The following SGCZ variants were observed in gnomAD, a reference collection of about 807,000 sequenced individuals.
SGCZ encodes the protein zeta-sarcoglycan.
A neutral mutation model predicts 41.3 loss-of-function variants in SGCZ; 40 were observed. The observed-to-expected ratio is 0.97, with a 90% CI of 0.75 to 1.26. The LOEUF (loss-of-function observed/expected upper bound fraction) is 1.26. Ranked by LOEUF, SGCZ falls within the 50% of genes most tolerant of loss-of-function variation. The pLI is 0.00. For missense variants in SGCZ, 552 were observed against 369.8 expected, an observed-to-expected ratio of 1.49 and a Z score of -4.04; for synonymous variants, 206 against 137.5, an observed-to-expected ratio of 1.50 and a Z score of -3.49.
At chr8:15,058,005 C>T (rs765699325) in intron 1 of SGCZ, among the ~76,000 whole-genome samples, 6 of 152,026 alleles carry the variant, frequency 3.9e-5, no homozygotes, top group Admixed American at 1.3e-4. Context: ...TACAAGTCAA[C>T]AACACAGATT....
chr8:15,105,399 A>T (rs1407234947), intron 1 of SGCZ, among the ~76,000 whole-genome samples: 2 of 152,186 alleles, frequency 1.3e-5, no homozygotes, highest in Non-Finnish European at 2.9e-5. Flanking sequence ...AAAGTTCCAC[A>T]GGCTATACAA....
chr8:14,792,146 G>A (rs1220655442), intron 1 of SGCZ, among the ~76,000 whole-genome samples: 1 of 152,118 alleles, frequency 6.6e-6, no homozygotes, highest in Non-Finnish European at 1.5e-5. Flanking sequence ...TGCATAGAAA[G>A]GTGTGATAAA....
At chr8:14,733,690 C>T (rs1298942409) in intron 1 of SGCZ, among the ~76,000 whole-genome samples, 3 of 152,098 alleles carry the variant, frequency 2.0e-5, no homozygotes, top group Admixed American at 6.5e-5. Flanking sequence ...AAAGCATGTA[C>T]ATCAATGCAG....
intron 6 of SGCZ, among the ~76,000 whole-genome samples, chr8:14,103,966 C>T (rs1014191513): frequency 1.8e-4 from 28 of 152,160 alleles, no homozygotes; most frequent in Non-Finnish European, 2.9e-4. Context: ...TCTAGAACTA[C>T]GCAGACTCTT....
chr8:14,276,420 T>C (rs771186044), intron 3 of SGCZ, among the ~76,000 whole-genome samples: 8 of 152,170 alleles, frequency 5.3e-5, no homozygotes, highest in African/African-American at 9.7e-5. Flanking sequence ...ACTGAAGCGA[T>C]TGTTAATTTA....
At chr8:14,284,046 T>C (rs10503489) in intron 3 of SGCZ, among the ~76,000 whole-genome samples, 1,622 of 152,340 alleles carry the variant, frequency 0.011, 71 homozygotes, top group East Asian at 0.072. Flanking sequence ...AATTGGGCCA[T>C]TTTATCAATA....
At chr8:14,290,637 G>C (rs955010747) in intron 3 of SGCZ, among the ~76,000 whole-genome samples, 1 of 152,018 alleles carries the variant, frequency 6.6e-6, no homozygotes, top group Non-Finnish European at 1.5e-5. Context: ...TCAATGAGAT[G>C]TCACCTCACT....
chr8:15,140,548 T>C (rs1046893671), intron 1 of SGCZ, among the ~76,000 whole-genome samples: 5 of 152,174 alleles, frequency 3.3e-5, no homozygotes, highest in Non-Finnish European at 1.5e-5. Flanking sequence ...AAATATCAGC[T>C]GCCAACTAAT....
At position 14,934,899 on chromosome 8, in the gene SGCZ, A is replaced by G. The variant is rs1800035542; in HGVS notation, c.39+302686T>C. Among the ~76,000 whole-genome samples the G allele has an allele frequency of 1.3e-5, 2 of 151,528 alleles. 1 individual carries two copies. Among genetic ancestry groups the G allele is most frequent in the South Asian group, 4.1e-4 (2 of 4,824 alleles). On this transcript the variant is annotated intron_variant, in intron 1 of 7. Transcript: ENST00000382080. ...CTAAACAAGAAAAGTAAAATCCTAA[A>G]ATCATTGAATAATCTCCCAGTACTG...
Position 15,163,280 on chromosome 8 carries a change from G to A in SGCZ, c.39+74305C>T, listed in dbSNP as rs959729866. On this transcript the variant is annotated intron_variant, in intron 1 of 7. Coordinates refer to ENST00000382080, the MANE Select transcript of SGCZ (RefSeq NM_139167.4). ...ATTGAATCCACACAACGTCTTATGA[G>A]GTAGACACAAAAATTAGTCTATCTT... 6.6e-5 allele frequency among the ~76,000 whole-genome samples: 10 copies of A among 152,298 alleles called. No individual in the cohort carries two copies. The East Asian group carries it at 1.9e-3, about 29-fold the overall frequency.
chr8:15,008,351 A>G (rs1585466376), intron 1 of SGCZ, among the ~76,000 whole-genome samples: 1 of 151,772 alleles, frequency 6.6e-6, no homozygotes. Context: ...TAGTTGTTTC[A>G]TTTTTATTTT....
chr8:14,997,870 G>A (rs1433774316), intron 1 of SGCZ, among the ~76,000 whole-genome samples: 1 of 152,094 alleles, frequency 6.6e-6, no homozygotes, highest in Non-Finnish European at 1.5e-5. Flanking sequence ...TGAGACAGGA[G>A]AATTGCTTGA....
intron 6 of SGCZ, among the ~76,000 whole-genome samples, chr8:14,107,209 C>CCAT (rs1013134002): frequency 1.2e-4 from 18 of 149,502 alleles, no homozygotes; most frequent in East Asian, 6.0e-4. Flanking sequence ...GAACGAGACT[C>CCAT]CATCTCAAAA....
intron 2 of SGCZ, among the ~76,000 whole-genome samples, chr8:14,401,387 A>G (rs1289729281): frequency 2.0e-5 from 3 of 150,214 alleles, no homozygotes; most frequent in South Asian, 2.1e-4. Flanking sequence ...GCTACACCCA[A>G]TAACTCGTCA....
chr8:14,648,988 C>A (rs1012033752), intron 1 of SGCZ, among the ~76,000 whole-genome samples: 1 of 152,018 alleles, frequency 6.6e-6, no homozygotes, highest in African/African-American at 2.4e-5. Context: ...AACATTTATA[C>A]TTTTTCCCCC....
chr8:15,032,015 TG>T (rs879542787), intron 1 of SGCZ, among the ~76,000 whole-genome samples: 1 of 151,768 alleles, frequency 6.6e-6, no homozygotes. Context: ...GAAAAAAGTA[TG>T]GTTTAGGAGT....
intron 1 of SGCZ, among the ~76,000 whole-genome samples, chr8:15,014,633 A>C (rs921776119): frequency 6.6e-6 from 1 of 152,196 alleles, no homozygotes; most frequent in Non-Finnish European, 1.5e-5. Flanking sequence ...GCTACTCAGC[A>C]TGGACACTTT....
intron 4 of SGCZ, among the ~76,000 whole-genome samples, chr8:14,211,812 G>T (rs1230427367): frequency 6.6e-6 from 1 of 152,076 alleles, no homozygotes; most frequent in Non-Finnish European, 1.5e-5. Flanking sequence ...CATGAGATTT[G>T]GGTGGGGACA....
intron 5 of SGCZ, among the ~76,000 whole-genome samples, chr8:14,157,316 T>TTA (rs199515898): frequency 9.3e-4 from 136 of 146,292 alleles, no homozygotes; most frequent in African/African-American, 2.8e-3. Flanking sequence ...ATATTATATG[T>TTA]TATATACATA....
Sources: gnomAD v4.1 joint callset for allele counts (sites outside exome capture counted in the v4.1 genomes callset) on GRCh38, gnomAD v4.1.1 for gene constraint, MANE v1.5 for transcripts, NCBI Gene and HGNC (gene_info 2026-07-23, HGNC 2026-07-21) for gene names.